CIROZ: variants seen among roughly 807,000 people sequenced by gnomAD.
The protein encoded by CIROZ is ciliated left-right organizer protein containing ZP-N domains.
the CIROZ span, among the ~76,000 whole-genome samples, chr1:10,955,413 A>G: frequency 2.6e-5 from 4 of 152,196 alleles, no homozygotes; most frequent in Non-Finnish European, 5.9e-5. Context: ...AACACCTGAC[A>G]GACCTTGCCA....
the CIROZ span, chr1:10,969,831 G>C: frequency 3.1e-6 from 4 of 1,287,098 alleles, no homozygotes; most frequent in East Asian, 8.3e-5. Flanking sequence ...GAAGGGCTGT[G>C]GGGGGAGGTG....
At chr1:10,949,524 G>A in the CIROZ span, 6 of 1,320,004 alleles carry the variant, frequency 4.5e-6, no homozygotes, top group Non-Finnish European at 6.4e-6. Context: ...GAATGGTGGT[G>A]AAAGAGAAGG....
the CIROZ span, among the ~76,000 whole-genome samples, chr1:10,980,335 C>T: frequency 5.3e-5 from 8 of 152,370 alleles, no homozygotes; most frequent in Admixed American, 1.3e-4. Context: ...CCCGCTGCCC[C>T]GCTTCATTCG....
At chr1:10,961,545 C>G in the CIROZ span, among the ~76,000 whole-genome samples, 1 of 152,188 alleles carries the variant, frequency 6.6e-6, no homozygotes, top group East Asian at 1.9e-4. Flanking sequence ...AAGCTCAGAT[C>G]AGATGAGAAG....
At chr1:10,951,745 A>AAAAAAAAAATATATATATATATATAT in the CIROZ span, among the ~76,000 whole-genome samples, 1 of 119,202 alleles carries the variant, frequency 8.4e-6, no homozygotes, top group African/African-American at 3.6e-5. Context: ...AAAAAAAAAA[A>AAAAAAAAAATATATATATATATATAT]ATATATATAT....
chr1:10,982,001 G>A, the CIROZ span: 1 of 1,537,232 alleles, frequency 6.5e-7, no homozygotes, highest in Middle Eastern at 1.7e-4. Context: ...TCCTGAATAA[G>A]GGACACTTAC....
the CIROZ span, chr1:10,958,827 A>C: frequency 6.6e-7 from 1 of 1,518,942 alleles, no homozygotes; most frequent in South Asian, 1.2e-5. Context: ...GCCTGTGCCC[A>C]TCAGCACCGG....
chr1:10,956,298 G>C, the CIROZ span, among the ~76,000 whole-genome samples: 1 of 152,002 alleles, frequency 6.6e-6, no homozygotes, highest in Non-Finnish European at 1.5e-5. Flanking sequence ...GAACAAAACA[G>C]TTATCACATA....
the CIROZ span, among the ~76,000 whole-genome samples, chr1:10,980,485 G>A: frequency 6.6e-6 from 1 of 152,232 alleles, no homozygotes; most frequent in Non-Finnish European, 1.5e-5. Context: ...TGATTAATTT[G>A]CAAAACAAAA....
At chr1:10,969,205 G>T in the CIROZ span, among the ~76,000 whole-genome samples, 4 of 152,004 alleles carry the variant, frequency 2.6e-5, no homozygotes, top group African/African-American at 9.7e-5. Flanking sequence ...CTCTTTTTCT[G>T]TGCAAAAGAG....
chr1:10,965,678 G>A, the CIROZ span, among the ~76,000 whole-genome samples: 68 of 152,166 alleles, frequency 4.5e-4, 1 homozygote, highest in East Asian at 0.013. Context: ...TGGCCAACAA[G>A]GTGAAACCCC....
chr1:10,947,549 TG>T, the CIROZ span: 2 of 931,342 alleles, frequency 2.1e-6, no homozygotes, highest in Non-Finnish European at 3.0e-6. Context: ...GGGGCTTCCC[TG>T]GAAAGACGGC....
chr1:10,974,457 G>C, the CIROZ span, among the ~76,000 whole-genome samples: 2 of 152,142 alleles, frequency 1.3e-5, no homozygotes, highest in East Asian at 3.9e-4. The surrounding 1 kb of genome is among the most constrained non-coding windows in gnomAD (Gnocchi z 4.4). Flanking sequence ...ACGTCCGAAA[G>C]ACTTGCCTGT....
the CIROZ span, among the ~76,000 whole-genome samples, chr1:10,972,465 A>ACACT: frequency 4.0e-5 from 6 of 148,716 alleles, no homozygotes; most frequent in East Asian, 2.0e-4. Flanking sequence ...ACACACACAC[A>ACACT]CTCTAGAATT....
At chr1:10,975,954 C>T in the CIROZ span, among the ~76,000 whole-genome samples, 1 of 152,144 alleles carries the variant, frequency 6.6e-6, no homozygotes. Context: ...CAGCTAGCCA[C>T]GTGAGCTCCA....
At chr1:10,981,676 A>G in the CIROZ span, among the ~76,000 whole-genome samples, 1 of 151,990 alleles carries the variant, frequency 6.6e-6, no homozygotes, top group African/African-American at 2.4e-5. Context: ...CTTGACCCCT[A>G]ATTTGTTTTG....
At chr1:10,955,279 C>G in the CIROZ span, 4 of 1,214,918 alleles carry the variant, frequency 3.3e-6, no homozygotes, top group Non-Finnish European at 4.6e-6. Context: ...AGGGGCCACA[C>G]CTGTGGCCGG....
the CIROZ span, among the ~76,000 whole-genome samples, chr1:10,970,313 C>T: frequency 2.0e-5 from 3 of 151,798 alleles, 1 homozygote; most frequent in South Asian, 6.3e-4. Flanking sequence ...GGAGGAAGAA[C>T]TTGTTGGGGA....
chr1:10,970,773 G>A, the CIROZ span, among the ~76,000 whole-genome samples: 1 of 151,978 alleles, frequency 6.6e-6, no homozygotes, highest in South Asian at 2.1e-4. Context: ...ACTTTGAGTA[G>A]CAAAGTCTTG....
Sources: gnomAD v4.1 joint callset for allele counts (sites outside exome capture counted in the v4.1 genomes callset) on GRCh38, gnomAD v4.1.1 for gene constraint, Gnocchi (gnomAD v3.1) non-coding constraint, MANE v1.5 for transcripts, NCBI Gene and HGNC (gene_info 2026-07-23, HGNC 2026-07-21) for gene names.